ADCY8: variants seen among roughly 807,000 people sequenced by gnomAD.
The protein encoded by ADCY8 is adenylate cyclase type 8.
Under a neutral mutation model 119.7 loss-of-function variants are expected in ADCY8, and 51 were observed. The ratio of observed to expected loss-of-function variants is 0.43; its 90% CI spans 0.34 to 0.54. The LOEUF is 0.54. ADCY8 is among the 20% of genes least tolerant of loss of function. The probability of loss-of-function intolerance (pLI) is 0.03; values close to 1 mark genes in which losing one functional copy is unlikely to be tolerated. For missense variants in ADCY8, 1,383 were observed against 1,598.8 expected (o/e 0.87, Z 2.30); for synonymous variants, 665 against 651.0 (o/e 1.02, Z -0.33).
intron 15 of ADCY8, among the ~76,000 whole-genome samples, chr8:130,795,063 T>C (rs1207063473): frequency 6.6e-6 from 1 of 152,126 alleles, no homozygotes; most frequent in Non-Finnish European, 1.5e-5. Context: ...CTGTCTCTAC[T>C]AAAAATAAAA....
chr8:131,018,410 T>A lies in ADCY8; in HGVS notation c.960+20964A>T, dbSNP rs1823548766. Among the ~76,000 whole-genome samples, 3 of 152,358 alleles carry A rather than the reference T, an allele frequency of 2.0e-5. No homozygotes were observed. The South Asian group carries it at 6.2e-4, about 32-fold the overall frequency. On this transcript the variant is annotated intron_variant, in intron 1 of 17. Coordinates refer to ENST00000286355, the MANE Select transcript of ADCY8 (RefSeq NM_001115.3). ...TGCTTTGTCACAGTCTGCTGCTAAC[T>A]TTTTCATAGGTTGGCCACACTACCC...
chr8:130,996,172 CAAAAGATAAAGAAGAGAGGT>C (rs768255435), intron 1 of ADCY8, among the ~76,000 whole-genome samples: 3 of 151,770 alleles, frequency 2.0e-5, no homozygotes, highest in Non-Finnish European at 4.4e-5. Flanking sequence ...CATGACTTTA[CAAAAGATAAAGAAGAGAGGT>C]ATTTCTGTTA....
rs1817858241 is a variant in ADCY8, at chr8:130,859,545, T to C, written c.2210+8301A>G. On this transcript the variant is annotated intron_variant, in intron 9 of 17. Coordinates refer to ENST00000286355, the MANE Select transcript of ADCY8 (RefSeq NM_001115.3). ...TTCAAAGCTACTTAGTACACCATTT[T>C]ACTCCCCACATCCCCTTCAGGGAGG... Among the ~76,000 whole-genome samples the C allele has an allele frequency of 2.6e-5, 4 of 152,234 alleles. No homozygotes were observed. In the South Asian group the frequency reaches 8.3e-4, roughly 31 times the overall value.
intron 1 of ADCY8, among the ~76,000 whole-genome samples, chr8:131,012,413 C>A (rs1181789298): frequency 3.3e-5 from 5 of 152,166 alleles, no homozygotes; most frequent in Non-Finnish European, 5.9e-5. Context: ...GCAAAAGGGA[C>A]TGTAATTTGT....
intron 1 of ADCY8, among the ~76,000 whole-genome samples, chr8:130,991,018 A>G (rs1822561160): frequency 6.6e-6 from 1 of 152,234 alleles, no homozygotes; most frequent in Non-Finnish European, 1.5e-5. Flanking sequence ...CTTCTTGGAT[A>G]GAATCCAAGT....
At chr8:130,831,870 G>A (rs1816845432) in intron 12 of ADCY8, among the ~76,000 whole-genome samples, 1 of 152,140 alleles carries the variant, frequency 6.6e-6, no homozygotes, top group Non-Finnish European at 1.5e-5. Flanking sequence ...ATATGGAGGG[G>A]TGATGTCTAA....
chr8:130,787,433 G>C (rs1229967630), intron 15 of ADCY8, among the ~76,000 whole-genome samples: 2 of 152,192 alleles, frequency 1.3e-5, no homozygotes, highest in Non-Finnish European at 2.9e-5. Flanking sequence ...AGATTTGTGT[G>C]TGTGTGCCTG....
chr8:130,990,327 G>A, intron 2 of ADCY8, 66 bp downstream of exon 2: 2 of 1,565,070 alleles, frequency 1.3e-6, no homozygotes, highest in South Asian at 1.2e-5. Flanking sequence ...GAGTAAAACA[G>A]TAGCTCCATA....
At chr8:130,953,748 G>A (rs1206095411) in intron 2 of ADCY8, among the ~76,000 whole-genome samples, 1 of 152,082 alleles carries the variant, frequency 6.6e-6, no homozygotes, top group East Asian at 1.9e-4. Context: ...TGAGGGGCCT[G>A]GCATCAAGTC....
At chr8:130,832,841 C>A (rs962739898) in intron 12 of ADCY8, among the ~76,000 whole-genome samples, 1 of 152,194 alleles carries the variant, frequency 6.6e-6, no homozygotes, top group Non-Finnish European at 1.5e-5. Context: ...ATGTGCCAGG[C>A]AAATAACAGC....
intron 5 of ADCY8, among the ~76,000 whole-genome samples, chr8:130,914,665 T>C (rs1263561522): frequency 6.6e-6 from 1 of 152,182 alleles, no homozygotes; most frequent in Non-Finnish European, 1.5e-5. Context: ...CGGAGCATTC[T>C]TGAAGCTAAA....
chr8:130,960,250 TA>T (rs1169992037), intron 2 of ADCY8, among the ~76,000 whole-genome samples: 6 of 152,088 alleles, frequency 3.9e-5, no homozygotes, highest in African/African-American at 1.4e-4. Context: ...TCTACCTGAA[TA>T]GACTTCCCAT....
At chr8:130,955,587 A>G (rs1821402294) in intron 2 of ADCY8, among the ~76,000 whole-genome samples, 1 of 152,206 alleles carries the variant, frequency 6.6e-6, no homozygotes, top group Non-Finnish European at 1.5e-5. Context: ...AATAAAAATA[A>G]AACAGAATAG....
intron 14 of ADCY8, among the ~76,000 whole-genome samples, chr8:130,805,525 T>C (rs384271): frequency 0.32 from 49,349 of 151,948 alleles, 8,007 homozygotes; most frequent in South Asian, 0.38. Flanking sequence ...TTCTGTGGTA[T>C]CCTGCTGGAG....
intron 5 of ADCY8, among the ~76,000 whole-genome samples, chr8:130,928,163 C>T (rs1005186071): frequency 6.6e-6 from 1 of 152,186 alleles, no homozygotes; most frequent in African/African-American, 2.4e-5. Context: ...CCTCAAATTC[C>T]TGGGCTCAAG....
At chr8:130,805,455 G>A (rs534947332) in intron 14 of ADCY8, among the ~76,000 whole-genome samples, 24 of 152,316 alleles carry the variant, frequency 1.6e-4, no homozygotes, top group African/African-American at 3.8e-4. Flanking sequence ...TTGGGTGGTC[G>A]TTTCACAGTG....
intron 5 of ADCY8, among the ~76,000 whole-genome samples, chr8:130,922,227 T>A (rs12681775): frequency 0.035 from 5,245 of 149,618 alleles, 323 homozygotes; most frequent in East Asian, 0.28. Flanking sequence ...TTTTTTTTTT[T>A]AATTGATCAT....
At chr8:130,821,142 G>T (rs1298515100) in intron 13 of ADCY8, among the ~76,000 whole-genome samples, 200 bp downstream of exon 13, 3 of 152,194 alleles carry the variant, frequency 2.0e-5, no homozygotes, top group African/African-American at 4.8e-5. Flanking sequence ...GTATCCAAAG[G>T]TCATTAAAAC....
chr8:130,886,068 C>G (rs933387161), intron 7 of ADCY8, among the ~76,000 whole-genome samples: 1 of 152,132 alleles, frequency 6.6e-6, no homozygotes, highest in South Asian at 2.1e-4. Flanking sequence ...GCCATCCAGC[C>G]CACCCCATAA....
Sources: gnomAD v4.1 joint callset for allele counts (sites outside exome capture counted in the v4.1 genomes callset) on GRCh38, gnomAD v4.1.1 for gene constraint, MANE v1.5 for transcripts, NCBI Gene and HGNC (gene_info 2026-07-23, HGNC 2026-07-21) for gene names.